Variants in SWT1 observed in about 807,000 individuals in gnomAD.
SWT1 encodes SWT1 RNA endoribonuclease homolog.
In SWT1, 33 loss-of-function variants were observed where a neutral mutation model predicts 107.3. That is an observed-to-expected ratio of 0.31 (90% CI 0.23 to 0.41). SWT1 has a LOEUF of 0.41. Ranked by LOEUF, SWT1 falls within the 10% of genes least tolerant of loss-of-function variation. SWT1 has a pLI of 1.00. For synonymous variants in SWT1, 345 were observed against 348.3 expected, an observed-to-expected ratio of 0.99 and a Z score of 0.11; for missense variants, 898 against 1,028.9, an observed-to-expected ratio of 0.87 and a Z score of 1.74.
intron 18 of SWT1, among the ~76,000 whole-genome samples, chr1:185,285,597 A>G (rs1664901247): frequency 6.6e-6 from 1 of 152,140 alleles, no homozygotes; most frequent in Non-Finnish European, 1.5e-5. Flanking sequence ...ACTACCTAAG[A>G]ATCCATTGCC....
At chr1:185,165,403 A>C (rs1424672531) in intron 2 of SWT1, among the ~76,000 whole-genome samples, 1 of 152,236 alleles carries the variant, frequency 6.6e-6, no homozygotes, top group East Asian at 1.9e-4. Flanking sequence ...GCAATTATCT[A>C]TGAAGTACAA....
intron 8 of SWT1, 35 bp downstream of exon 8, chr1:185,184,379 C>T: frequency 2.4e-6 from 3 of 1,254,180 alleles, no homozygotes; most frequent in Non-Finnish European, 3.4e-6. Context: ...TTCTGATTTT[C>T]TTCCTTGAGT....
chr1:185,207,490 A>G (rs995417261), intron 13 of SWT1, among the ~76,000 whole-genome samples: 4 of 152,178 alleles, frequency 2.6e-5, no homozygotes, highest in African/African-American at 9.7e-5. Flanking sequence ...TGCTGTGAGG[A>G]AAAAAATGTG....
At chr1:185,211,473 T>C (rs1311725769) in intron 13 of SWT1, among the ~76,000 whole-genome samples, 1 of 152,212 alleles carries the variant, frequency 6.6e-6, no homozygotes, top group Non-Finnish European at 1.5e-5. Flanking sequence ...CCTTCAGTTG[T>C]AGAAGTTGTT....
intron 16 of SWT1, chr1:185,264,396 GTCCCCA>G: frequency 1.0e-6 from 1 of 985,186 alleles, no homozygotes; most frequent in Non-Finnish European, 1.2e-6. Context: ...AAGAGAACAA[GTCCCCA>G]AACAGCTTGA....
chr1:185,206,856 T>G, intron 13 of SWT1, 93 bp downstream of exon 13: 1 of 937,150 alleles, frequency 1.1e-6, no homozygotes, highest in South Asian at 2.3e-5. Context: ...TAATGAAGAA[T>G]TTGTTAATTA....
intron 5 of SWT1, among the ~76,000 whole-genome samples, chr1:185,178,206 G>A (rs530551845): frequency 6.6e-6 from 1 of 152,312 alleles, no homozygotes; most frequent in Admixed American, 6.5e-5. Flanking sequence ...TAGAGGGCCA[G>A]TGTATGTAAT....
intron 16 of SWT1, among the ~76,000 whole-genome samples, chr1:185,248,344 A>G (rs937898097): frequency 2.0e-5 from 3 of 152,242 alleles, no homozygotes; most frequent in Admixed American, 1.3e-4. Context: ...TTTTTCATAA[A>G]TACATGGATT....
At chr1:185,276,559 C>A in intron 17 of SWT1, 45 bp from the exon 18 acceptor site, 2 of 1,176,310 alleles carry the variant, frequency 1.7e-6, no homozygotes, top group South Asian at 1.5e-5. Context: ...TGTCATCACT[C>A]ACTTTAATAT....
chr1:185,177,864 A>T (rs936564419), intron 5 of SWT1, among the ~76,000 whole-genome samples: 1 of 152,198 alleles, frequency 6.6e-6, no homozygotes, highest in Non-Finnish European at 1.5e-5. Flanking sequence ...ACAGCATCAC[A>T]TTTAATTCTT....
chr1:185,181,806 A>C (rs1177157302), intron 6 of SWT1, 140 bp from the exon 7 acceptor site: 1 of 791,924 alleles, frequency 1.3e-6, no homozygotes, highest in African/African-American at 1.7e-5. Context: ...TTGTTCTTTT[A>C]CTATGCTCCT....
At position 185,221,217 on chromosome 1, in the gene SWT1, C is replaced by T. The variant is rs191373353; in HGVS notation, c.2122-632C>T. On this transcript the variant is annotated intron_variant, in intron 14 of 18. Coordinates refer to ENST00000367500, the MANE Select transcript of SWT1 (RefSeq NM_017673.7). ...TTTGGCCAAGTCTTTATATTTCTTG[C>T]ATGCATTTTATTTTTCTTTTCATTC... Among the ~76,000 whole-genome samples, 12 of 152,318 alleles carry T rather than the reference C, an allele frequency of 7.9e-5. No individual in the cohort carries two copies. In the East Asian group the frequency reaches 2.3e-3, roughly 29 times the overall value.
At chr1:185,236,223 A>G (rs1660864575) in intron 16 of SWT1, among the ~76,000 whole-genome samples, 1 of 152,202 alleles carries the variant, frequency 6.6e-6, no homozygotes, top group Non-Finnish European at 1.5e-5. Flanking sequence ...GAACCAAAAA[A>G]GAGCCCACAT....
At chr1:185,261,673 CTT>C (rs75087078) in intron 16 of SWT1, among the ~76,000 whole-genome samples, 55,801 of 144,604 alleles carry the variant, frequency 0.39, 11,899 homozygotes, top group African/African-American at 0.6. Flanking sequence ...TGATTTTCTG[CTT>C]TTTTTTTTTT....
intron 16 of SWT1, among the ~76,000 whole-genome samples, chr1:185,241,120 A>G (rs1661229732): frequency 6.6e-6 from 1 of 152,134 alleles, no homozygotes; most frequent in African/African-American, 2.4e-5. Context: ...AAGATAACAC[A>G]CTTTAGGCTA....
chr1:185,170,726 T>C (rs1031014727), intron 4 of SWT1, among the ~76,000 whole-genome samples: 1 of 152,242 alleles, frequency 6.6e-6, no homozygotes, highest in Non-Finnish European at 1.5e-5. Context: ...TAACAGTCGT[T>C]GTCCAGACCT....
chr1:185,198,139 C>T (rs1309898392), intron 10 of SWT1, among the ~76,000 whole-genome samples: 1 of 152,138 alleles, frequency 6.6e-6, no homozygotes, highest in Non-Finnish European at 1.5e-5. Context: ...AACATTGTGT[C>T]TTTGTTCTGA....
chr1:185,272,856 T>A (rs557395407), intron 17 of SWT1, among the ~76,000 whole-genome samples: 5 of 151,858 alleles, frequency 3.3e-5, no homozygotes, highest in Non-Finnish European at 7.4e-5. Flanking sequence ...GGCAACACAG[T>A]GAGACCCCAT....
chr1:185,273,141 A>G (rs1663998825), intron 17 of SWT1, among the ~76,000 whole-genome samples: 1 of 152,204 alleles, frequency 6.6e-6, no homozygotes, highest in Admixed American at 6.5e-5. Context: ...GCCGTGGCTC[A>G]CAGCTATAAT....
Sources: allele counts gnomAD v4.1 joint callset (sites outside exome capture counted in the v4.1 genomes callset), GRCh38; gene constraint gnomAD v4.1.1; transcripts MANE v1.5; gene names NCBI Gene and HGNC (gene_info 2026-07-23, HGNC 2026-07-21).